CDH13: variants seen among roughly 807,000 people sequenced by gnomAD.
CDH13 encodes the protein cadherin-13.
Under a neutral mutation model 63.8 loss-of-function variants are expected in CDH13, and 24 were observed. The ratio of observed to expected loss-of-function variants is 0.38; its 90% CI spans 0.27 to 0.53. The LOEUF is 0.53. CDH13 is among the 20% of genes least tolerant of loss of function. The probability of loss-of-function intolerance (pLI) is 0.85; values close to 1 mark genes in which losing one functional copy is unlikely to be tolerated. For missense variants in CDH13, 1,049 were observed against 903.1 expected (o/e 1.16, Z -2.07); for synonymous variants, 503 against 355.3 (o/e 1.42, Z -4.67).
At chr16:83,524,445 C>CTTTTTTTTTT (rs150233410) in intron 7 of CDH13, among the ~76,000 whole-genome samples, 10 of 59,262 alleles carry the variant, frequency 1.7e-4, no homozygotes, top group Non-Finnish European at 2.0e-4. Flanking sequence ...TTTCTTTTTT[C>CTTTTTTTTTT]TTTTTTTTTT....
chr16:83,212,783 A>T (rs541813106), intron 4 of CDH13, among the ~76,000 whole-genome samples: 1 of 152,146 alleles, frequency 6.6e-6, no homozygotes, highest in Non-Finnish European at 1.5e-5. Flanking sequence ...ATTGCCAGCA[A>T]TTCTCCCCCT....
At chr16:83,105,011 TTTTTAAC>T (rs2034694596) in intron 3 of CDH13, among the ~76,000 whole-genome samples, 1 of 152,186 alleles carries the variant, frequency 6.6e-6, no homozygotes, top group South Asian at 2.1e-4. Flanking sequence ...GGCATTCCTT[TTTTTAAC>T]TTTTAAGTTC....
intron 2 of CDH13, chr16:82,954,763 AAC>A (rs1555547863): frequency 6.6e-6 from 1 of 151,902 alleles, no homozygotes; most frequent in Non-Finnish European, 1.5e-5. Context: ...AAAAAAAAAA[AAC>A]ACTATCCTGA....
At chr16:83,657,234 A>C (rs968702254) in intron 8 of CDH13, among the ~76,000 whole-genome samples, 19 of 152,220 alleles carry the variant, frequency 1.2e-4, no homozygotes, top group African/African-American at 4.6e-4. Context: ...ATACAGGATC[A>C]TTTATCTGTA....
At chr16:83,126,313 C>T (rs930797168) in intron 4 of CDH13, among the ~76,000 whole-genome samples, 1 of 152,202 alleles carries the variant, frequency 6.6e-6, no homozygotes, top group African/African-American at 2.4e-5. Context: ...CTTCTGTGTC[C>T]TGTCCCCATT....
chr16:82,703,860 G>T (rs2031258896), intron 1 of CDH13, among the ~76,000 whole-genome samples: 1 of 152,150 alleles, frequency 6.6e-6, no homozygotes, highest in African/African-American at 2.4e-5. Flanking sequence ...CCCCGTCAGT[G>T]ACACCTGCAC....
At chr16:82,753,375 C>T (rs1485323624) in intron 1 of CDH13, among the ~76,000 whole-genome samples, 1 of 152,194 alleles carries the variant, frequency 6.6e-6, no homozygotes, top group Non-Finnish European at 1.5e-5. Context: ...TCTTCTCTGG[C>T]TCTTCCCCTT....
intron 2 of CDH13, among the ~76,000 whole-genome samples, chr16:82,921,291 C>A (rs574896925): frequency 1.3e-5 from 2 of 152,122 alleles, no homozygotes; most frequent in Non-Finnish European, 2.9e-5. Flanking sequence ...TCTCGGGGAG[C>A]TTCATTTCTT....
At chr16:83,216,553 A>C (rs1344125767) in intron 4 of CDH13, among the ~76,000 whole-genome samples, 1 of 142,156 alleles carries the variant, frequency 7.0e-6, no homozygotes, top group Non-Finnish European at 1.5e-5. Context: ...AATGGGGTTT[A>C]ATATATATAA....
At position 83,667,030 on chromosome 16, in the gene CDH13, GGTGGATGGATGA is replaced by G. The variant is rs1283556308; in HGVS notation, c.1102-3759_1102-3748del. Among the ~76,000 whole-genome samples the G allele has an allele frequency of 1.0e-3, 48 of 47,998 alleles. 1 individual carries two copies. The highest frequency in any genetic ancestry group is 2.7e-3 in the South Asian group (5 of 1,824). 31.5% of individuals were successfully genotyped at this position (47,998 alleles called of 152,430 possible). On this transcript the variant is annotated intron_variant, in intron 8 of 13. Coordinates refer to ENST00000567109, the MANE Select transcript of CDH13 (RefSeq NM_001257.5). Reference sequence around the variant, plus strand: ...GGATGGATGGATGGATGGATGGATGGGTGGATGGATGAATGGAAGGATGGATGGATGATGAAT... The same window carrying G: ...GGATGGATGGATGGATGGATGGATGGATGGAAGGATGGATGGATGATGAAT...
intron 2 of CDH13, among the ~76,000 whole-genome samples, chr16:82,988,937 C>T (rs1260804626): frequency 6.6e-6 from 1 of 152,062 alleles, no homozygotes; most frequent in African/African-American, 2.4e-5. Flanking sequence ...CTTGAAGACT[C>T]CATTGTCTCA....
At chr16:83,225,880 A>G (rs971774608) in intron 5 of CDH13, among the ~76,000 whole-genome samples, 1 of 152,226 alleles carries the variant, frequency 6.6e-6, no homozygotes, top group Non-Finnish European at 1.5e-5. Context: ...AATGATACCA[A>G]CCAGCTAGGT....
At chr16:83,709,862 C>G (rs1408534083) in intron 10 of CDH13, among the ~76,000 whole-genome samples, 1 of 151,982 alleles carries the variant, frequency 6.6e-6, no homozygotes, top group Admixed American at 6.5e-5. Flanking sequence ...GACCTTATGT[C>G]TTTCTCAGTT....
intron 5 of CDH13, among the ~76,000 whole-genome samples, chr16:83,323,573 G>A (rs181105816): frequency 1.4e-3 from 218 of 151,938 alleles, no homozygotes; most frequent in African/African-American, 5.0e-3. Context: ...GAGCTACCGC[G>A]CCTGGCCAAA....
chr16:83,577,338 CT>C (rs35942278), intron 7 of CDH13, among the ~76,000 whole-genome samples: 5 of 152,318 alleles, frequency 3.3e-5, no homozygotes, highest in African/African-American at 4.8e-5. Flanking sequence ...CCAGCACGTC[CT>C]TTTCAGGACC....
chr16:82,823,782 G>C (rs1251680272), intron 1 of CDH13: 1 of 152,262 alleles, frequency 6.6e-6, no homozygotes, highest in East Asian at 1.9e-4. Context: ...ATGGGAGGAA[G>C]AAGATGCAGA....
chr16:83,379,913 G>C (rs2091526229), intron 6 of CDH13, among the ~76,000 whole-genome samples: 1 of 86,736 alleles, frequency 1.2e-5, no homozygotes, highest in African/African-American at 4.7e-5. Flanking sequence ...TTATATATGT[G>C]TGTGTGTATA....
intron 5 of CDH13, among the ~76,000 whole-genome samples, chr16:83,224,040 C>G (rs1225590754): frequency 6.6e-6 from 1 of 152,162 alleles, no homozygotes; most frequent in Non-Finnish European, 1.5e-5. Context: ...ATTCTTTTGC[C>G]TTTGCATCCT....
At chr16:83,302,762 G>T (rs2089778947) in intron 5 of CDH13, among the ~76,000 whole-genome samples, 1 of 152,176 alleles carries the variant, frequency 6.6e-6, no homozygotes, top group Admixed American at 6.5e-5. Context: ...GGCAAGGAGG[G>T]ACACCAAGCC....
Sources: allele counts gnomAD v4.1 joint callset (sites outside exome capture counted in the v4.1 genomes callset), GRCh38; gene constraint gnomAD v4.1.1; transcripts MANE v1.5; gene names NCBI Gene and HGNC (gene_info 2026-07-23, HGNC 2026-07-21).